Variants in FRMD4A observed in about 807,000 individuals in gnomAD.
FRMD4A encodes the protein FERM domain-containing protein 4A.
Under a neutral mutation model 129.1 loss-of-function variants are expected in FRMD4A, and 29 were observed. The observed-to-expected ratio is 0.22, with a 90% confidence interval of 0.17 to 0.31. FRMD4A has a LOEUF of 0.31. FRMD4A is among the 10% of genes least tolerant of loss of function. The pLI, the probability that FRMD4A is intolerant of heterozygous loss-of-function variation, is 1.00. For missense variants in FRMD4A, 1,272 were observed against 1,375.8 expected, an observed-to-expected ratio of 0.92 and a Z score of 1.19; for synonymous variants, 634 against 571.6, an observed-to-expected ratio of 1.11 and a Z score of -1.56.
chr10:14,013,702 CA>C (rs1346559899), intron 2 of FRMD4A, among the ~76,000 whole-genome samples: 1 of 152,208 alleles, frequency 6.6e-6, no homozygotes, highest in East Asian at 1.9e-4. Flanking sequence ...GAGGCTGAGG[CA>C]GGTGGATCCC....
intron 2 of FRMD4A, among the ~76,000 whole-genome samples, chr10:13,989,607 G>A (rs796693168): frequency 1.3e-4 from 20 of 152,304 alleles, no homozygotes; most frequent in African/African-American, 4.3e-4. Context: ...GATTAGAGGC[G>A]TGAGCCAACG....
At chr10:14,209,953 A>G (rs938832050) in intron 2 of FRMD4A, among the ~76,000 whole-genome samples, 1 of 152,144 alleles carries the variant, frequency 6.6e-6, no homozygotes, top group Admixed American at 6.5e-5. Flanking sequence ...CAGAGATTGG[A>G]GTGATGAGGC....
At chr10:14,266,322 C>T (rs1844977207) in intron 2 of FRMD4A, among the ~76,000 whole-genome samples, 1 of 152,116 alleles carries the variant, frequency 6.6e-6, no homozygotes, top group South Asian at 2.1e-4. Context: ...AAAATAGCCC[C>T]CAATTAAGAA....
At chr10:14,093,975 C>T (rs765539620) in intron 2 of FRMD4A, among the ~76,000 whole-genome samples, 20 of 152,324 alleles carry the variant, frequency 1.3e-4, no homozygotes, top group Non-Finnish European at 2.8e-4. Flanking sequence ...CAGCTTTCAC[C>T]AGTGACTTGC....
chr10:14,070,118 C>G (rs1835250245), intron 2 of FRMD4A, among the ~76,000 whole-genome samples: 1 of 152,156 alleles, frequency 6.6e-6, no homozygotes, highest in African/African-American at 2.4e-5. Context: ...GTCTGTCTCT[C>G]TGTCCCCACA....
At chr10:14,108,885 T>C (rs1347941921) in intron 2 of FRMD4A, among the ~76,000 whole-genome samples, 3 of 152,212 alleles carry the variant, frequency 2.0e-5, no homozygotes, top group Non-Finnish European at 2.9e-5. Flanking sequence ...AAAATTCCTA[T>C]GGACTCCTAC....
intron 2 of FRMD4A, among the ~76,000 whole-genome samples, chr10:14,212,028 A>T (rs1842945834): frequency 6.6e-6 from 1 of 152,160 alleles, no homozygotes; most frequent in South Asian, 2.1e-4. Context: ...GTACAGACAG[A>T]CATCCCCTGT....
intron 2 of FRMD4A, among the ~76,000 whole-genome samples, chr10:14,144,654 C>T (rs1450488464): frequency 6.6e-6 from 1 of 152,132 alleles, no homozygotes; most frequent in Non-Finnish European, 1.5e-5. Context: ...GAAGGGTGAT[C>T]TCATGCTGGG....
Position 13,886,816 on chromosome 10 carries a change from T to A in FRMD4A, c.46-27904A>T, listed in dbSNP as rs113225829. ...CGGTCTGCTACACTCACTCAGCGAT[T>A]TGCTTATACAACCAGGGTCCGGGGA... On this transcript the variant is annotated intron_variant, in intron 2 of 24. Transcript: ENST00000357447. Among the ~76,000 whole-genome samples, 309 of 152,308 alleles carry A rather than the reference T, an allele frequency of 2.0e-3. 3 individuals are homozygous for A. Among genetic ancestry groups the A allele is most frequent in the African/African-American group, 7.2e-3 (298 of 41,554 alleles).
intron 2 of FRMD4A, among the ~76,000 whole-genome samples, chr10:14,252,886 A>C (rs193101698): frequency 6.6e-6 from 1 of 152,190 alleles, no homozygotes. Flanking sequence ...TTTATCTGTT[A>C]GTATTCTACT....
At chr10:13,897,252 G>C (rs1321856595) in intron 2 of FRMD4A, among the ~76,000 whole-genome samples, 1 of 152,218 alleles carries the variant, frequency 6.6e-6, no homozygotes, top group African/African-American at 2.4e-5. Flanking sequence ...TTTGCCTTGT[G>C]TTTTGCTGTC....
At chr10:14,232,176 T>C (rs1182472882) in intron 2 of FRMD4A, among the ~76,000 whole-genome samples, 1 of 152,240 alleles carries the variant, frequency 6.6e-6, no homozygotes, top group Non-Finnish European at 1.5e-5. Context: ...GCACCCATTA[T>C]TGAATAGGGA....
chr10:14,014,642 T>C (rs941304038), intron 2 of FRMD4A, among the ~76,000 whole-genome samples: 3 of 152,148 alleles, frequency 2.0e-5, no homozygotes, highest in African/African-American at 7.2e-5. Flanking sequence ...AGGCCAAACA[T>C]GAAACCCAAT....
chr10:13,651,785 A>G, intron 24 of FRMD4A, 118 bp downstream of exon 24: 1 of 682,424 alleles, frequency 1.5e-6, no homozygotes, highest in Non-Finnish European at 2.7e-6. Flanking sequence ...TGTATCTAGA[A>G]ATAAGGCATA....
intron 2 of FRMD4A, among the ~76,000 whole-genome samples, chr10:14,046,076 A>G (rs1015189236): frequency 6.6e-6 from 1 of 151,652 alleles, no homozygotes; most frequent in Non-Finnish European, 1.5e-5. Context: ...CAAATGTACT[A>G]AAACAGAATT....
At chr10:14,017,365 G>A (rs373840485) in intron 2 of FRMD4A, among the ~76,000 whole-genome samples, 15 of 152,248 alleles carry the variant, frequency 9.9e-5, no homozygotes, top group African/African-American at 3.6e-4. Flanking sequence ...GTTTCACAGG[G>A]TAAACTGTGT....
chr10:14,301,139 C>G (rs1846172231), intron 2 of FRMD4A, among the ~76,000 whole-genome samples: 2 of 152,206 alleles, frequency 1.3e-5, no homozygotes, highest in African/African-American at 4.8e-5. Flanking sequence ...CTCATAAACA[C>G]CAGGAAAGTA....
intron 2 of FRMD4A, among the ~76,000 whole-genome samples, chr10:14,091,849 T>C (rs538360987): frequency 6.6e-6 from 1 of 152,226 alleles, no homozygotes; most frequent in African/African-American, 2.4e-5. Flanking sequence ...ATTTATTAAA[T>C]GTATCTTTAA....
intron 2 of FRMD4A, among the ~76,000 whole-genome samples, chr10:13,905,152 AT>A (rs1006446724): frequency 6.6e-6 from 1 of 152,140 alleles, no homozygotes; most frequent in Non-Finnish European, 1.5e-5. Context: ...GGCCCCAACA[AT>A]AAAGCCCACT....
Sources: gnomAD v4.1 joint callset for allele counts (sites outside exome capture counted in the v4.1 genomes callset) on GRCh38, gnomAD v4.1.1 for gene constraint, MANE v1.5 for transcripts, NCBI Gene and HGNC (gene_info 2026-07-23, HGNC 2026-07-21) for gene names.